TSGA10: variants seen among roughly 807,000 people sequenced by gnomAD.
TSGA10 encodes testis specific 10, also known as testis-specific gene 10 protein.
Under a neutral mutation model 96.6 loss-of-function variants are expected in TSGA10, and 43 were observed. The ratio of observed to expected loss-of-function variants is 0.44; its 90% CI spans 0.35 to 0.57. TSGA10 has a LOEUF of 0.57. Among genes scored for constraint, TSGA10 ranks in the 20% least tolerant of loss-of-function variants. The pLI is 0.01. For missense variants in TSGA10, 703 were observed against 834.4 expected, an observed-to-expected ratio of 0.84 and a Z score of 1.94; for synonymous variants, 229 against 269.9, an observed-to-expected ratio of 0.85 and a Z score of 1.48.
chr2:99,150,587 C>T (rs1291157889), intron 1 of TSGA10: 1 of 1,613,314 alleles, frequency 6.2e-7, no homozygotes, highest in Non-Finnish European at 8.5e-7. Flanking sequence ...AAATCTGCTA[C>T]TCAGGTATCT....
chr2:99,076,875 GTCAT>G (rs1465984881), intron 12 of TSGA10, among the ~76,000 whole-genome samples: 6 of 151,862 alleles, frequency 4.0e-5, no homozygotes, highest in Non-Finnish European at 7.4e-5. Flanking sequence ...CTACTATCTA[GTCAT>G]TCAAATATTC....
intron 10 of TSGA10, among the ~76,000 whole-genome samples, chr2:99,095,959 A>T (rs2089988889): frequency 6.6e-6 from 1 of 152,218 alleles, no homozygotes; most frequent in African/African-American, 2.4e-5. Context: ...ATATTGTATC[A>T]GTACGTATGT....
At chr2:99,110,538 G>A (rs1415043770) in intron 5 of TSGA10, among the ~76,000 whole-genome samples, 2 of 152,144 alleles carry the variant, frequency 1.3e-5, no homozygotes, top group East Asian at 1.9e-4. Context: ...AAGTTAATGT[G>A]TAAACAAACT....
rs2085592818 is a variant in TSGA10, at chr2:99,068,940, A to T, written c.1166T>A (p.Val389Asp). Reference sequence around the variant, plus strand: ...GTTAACCTCCAAATTAGTATCTTGAACCTTCTGTTTTATGTCATTAAGTTC... The same window carrying T: ...GTTAACCTCCAAATTAGTATCTTGATCCTTCTGTTTTATGTCATTAAGTTC... ...HNELNDIKQK[V>D]QDTNLEVNKL... The change falls in exon 15 of 21, where the codon GTT (valine) becomes GAT (aspartate). Residue 389 changes from valine (V) to aspartate (D), a missense_variant. Val to Asp is a radical substitution (Grantham distance 152, BLOSUM62 -3). This residue lies in a region of TSGA10 where 585 missense variants were observed against 656.8 expected (regional missense o/e 0.89). Transcript: ENST00000393483. 6.8e-7 allele frequency: 1 copy of T among 1,474,124 alleles called. No homozygotes were observed. The highest frequency in any genetic ancestry group is 1.5e-5 in the African/African-American group (1 of 68,416). 91.3% of individuals were successfully genotyped at this position (1,474,124 alleles called of 1,614,324 possible). A position where few individuals can be genotyped will look rare whatever the true frequency, so the allele number is the denominator to read the frequency against.
At chr2:99,026,873 AC>A (rs972831419) in intron 17 of TSGA10, among the ~76,000 whole-genome samples, 2 of 152,180 alleles carry the variant, frequency 1.3e-5, no homozygotes, top group African/African-American at 4.8e-5. Context: ...CCTTTTTGTC[AC>A]CAGGAACTGG....
intron 10 of TSGA10, among the ~76,000 whole-genome samples, chr2:99,082,224 C>T (rs1202798183): frequency 6.6e-6 from 1 of 152,198 alleles, no homozygotes; most frequent in African/African-American, 2.4e-5. Context: ...AGCATAGCAT[C>T]CATATCTAAC....
At chr2:99,080,485 T>A (rs370040144) in intron 11 of TSGA10, among the ~76,000 whole-genome samples, 1 of 152,206 alleles carries the variant, frequency 6.6e-6, no homozygotes, top group East Asian at 1.9e-4. Flanking sequence ...TGCTGATGTG[T>A]CCCAAATATG....
chr2:99,092,128 G>A (rs973368531), intron 10 of TSGA10, among the ~76,000 whole-genome samples: 1 of 151,992 alleles, frequency 6.6e-6, no homozygotes, highest in African/African-American at 2.4e-5. Flanking sequence ...ACTCCAAAAG[G>A]AACCTTCAAA....
At chr2:99,126,675 TC>T (rs1218697980) in intron 2 of TSGA10, 2 of 163,294 alleles carry the variant, frequency 1.2e-5, no homozygotes, top group Non-Finnish European at 2.7e-5. Flanking sequence ...TGAGTTCAAA[TC>T]CCGGCTAACA....
At chr2:99,041,487 T>C (rs959096129) in intron 16 of TSGA10, among the ~76,000 whole-genome samples, 13 of 152,118 alleles carry the variant, frequency 8.5e-5, no homozygotes, top group African/African-American at 1.2e-4. Context: ...AATAGGCACA[T>C]AGACCAATGG....
intron 16 of TSGA10, among the ~76,000 whole-genome samples, chr2:99,057,669 C>G (rs2084164442): frequency 6.6e-6 from 1 of 152,108 alleles, no homozygotes; most frequent in South Asian, 2.1e-4. Context: ...CAGCCATATT[C>G]CCCAAATTGA....
At chr2:99,134,722 T>C (rs1196487287) in intron 1 of TSGA10, among the ~76,000 whole-genome samples, 1 of 152,228 alleles carries the variant, frequency 6.6e-6, no homozygotes, top group Non-Finnish European at 1.5e-5. Flanking sequence ...TGGATTTATC[T>C]GCCTTTGGTG....
rs1277118953 is a variant in TSGA10 at position 99,097,519 on chromosome 2, GT to G, written c.611+6447del. ...GTTAAGATGGGTAAATGGAGTTACT[GT>G]TCTAAGGTTCTTGCAATTCTCAGGT... On this transcript the variant is annotated intron_variant, in intron 10 of 20. Transcript: ENST00000393483. Among the ~76,000 whole-genome samples the G allele has an allele frequency of 1.6e-4, 24 of 152,230 alleles. No individual in the cohort carries two copies. The South Asian group carries it at 5.0e-3, about 32-fold the overall frequency.
chr2:99,053,551 A>G (rs532614960), intron 16 of TSGA10, among the ~76,000 whole-genome samples: 4 of 152,286 alleles, frequency 2.6e-5, no homozygotes, highest in African/African-American at 9.6e-5. Flanking sequence ...GCATTTGACC[A>G]ACTTCAACGT....
At chr2:98,999,470 G>A (rs951059912) in intron 20 of TSGA10, among the ~76,000 whole-genome samples, 4 of 152,104 alleles carry the variant, frequency 2.6e-5, no homozygotes, top group African/African-American at 7.2e-5. Context: ...CTAGATAATA[G>A]GTGTCAGTCA....
At chr2:99,057,915 T>C (rs1209278481) in intron 16 of TSGA10, among the ~76,000 whole-genome samples, 1 of 152,086 alleles carries the variant, frequency 6.6e-6, no homozygotes, top group Non-Finnish European at 1.5e-5. Flanking sequence ...ATCAATGAAA[T>C]AGAATTAAGA....
chr2:99,111,629 G>T (rs978738418), intron 4 of TSGA10, among the ~76,000 whole-genome samples: 1 of 152,128 alleles, frequency 6.6e-6, no homozygotes, highest in South Asian at 2.1e-4. Flanking sequence ...TCTCTTCTAC[G>T]ATTTTTCTGG....
intron 1 of TSGA10, among the ~76,000 whole-genome samples, chr2:99,128,957 T>C (rs774451863): frequency 1.3e-4 from 20 of 152,198 alleles, no homozygotes; most frequent in Non-Finnish European, 2.6e-4. Context: ...TATGCTGCCC[T>C]GGCTGGTCTT....
intron 16 of TSGA10, among the ~76,000 whole-genome samples, chr2:99,060,632 T>C (rs1445310951): frequency 1.3e-5 from 2 of 152,142 alleles, no homozygotes; most frequent in African/African-American, 4.8e-5. Context: ...GGACCCATAG[T>C]AGCCAAACAT....
Sources: allele counts gnomAD v4.1 joint callset (sites outside exome capture counted in the v4.1 genomes callset), GRCh38; gene constraint gnomAD v4.1.1; regional missense constraint gnomAD v4.1.1; transcripts MANE v1.5; gene names NCBI Gene and HGNC (gene_info 2026-07-23, HGNC 2026-07-21).